ANKS1A: variants seen among roughly 807,000 people sequenced by gnomAD.
ANKS1A encodes the protein ankyrin repeat and sterile alpha motif domain containing 1A.
In ANKS1A, 55 loss-of-function variants were observed where a neutral mutation model predicts 120.3. The observed-to-expected ratio is 0.46, with a 90% CI of 0.37 to 0.57. ANKS1A has a LOEUF of 0.57. Ranked by LOEUF, ANKS1A falls within the 20% of genes least tolerant of loss-of-function variation. The pLI, the probability that ANKS1A is intolerant of heterozygous loss-of-function variation, is 0.00. For missense variants in ANKS1A, 1,123 were observed against 1,480.3 expected, an observed-to-expected ratio of 0.76 and a Z score of 3.96; for synonymous variants, 590 against 604.7, an observed-to-expected ratio of 0.98 and a Z score of 0.36.
At chr6:34,984,013 C>T (rs1009109380) in intron 7 of ANKS1A, among the ~76,000 whole-genome samples, 1 of 152,094 alleles carries the variant, frequency 6.6e-6, no homozygotes, top group African/African-American at 2.4e-5. Context: ...CCAGGCTGGC[C>T]TCGAACTCCT....
intron 1 of ANKS1A, among the ~76,000 whole-genome samples, chr6:34,962,017 A>C (rs748774348): frequency 6.6e-6 from 1 of 152,180 alleles, no homozygotes; most frequent in African/African-American, 2.4e-5. Context: ...CTGTGCTATA[A>C]TGATGATATT....
intron 11 of ANKS1A, among the ~76,000 whole-genome samples, chr6:35,032,786 A>G (rs1167200334): frequency 6.6e-6 from 1 of 152,174 alleles, no homozygotes; most frequent in Non-Finnish European, 1.5e-5. Context: ...TTATGCCACA[A>G]CTGAGAGATT....
Position 35,090,954 on chromosome 6 carries a change from C to T in ANKS1A, c.*2345C>T, listed in dbSNP as rs1334068523. The T allele has an allele frequency of 1.1e-5, 11 of 985,662 alleles. No individual in the cohort carries two copies. In the African/African-American group the frequency reaches 1.7e-4, roughly 16 times the overall value. The allele number at this position is 985,662 out of a possible 1,614,324, so 61.1% of individuals were successfully genotyped here. A position where few individuals can be genotyped will look rare whatever the true frequency, so the allele number is the denominator to read the frequency against. ...TCTGCGTCCCTCCTGGGCCCTCCAG[C>T]GTCAGACACTAATGGGAGTTCCCGA... On this transcript the variant is annotated 3_prime_UTR_variant, in exon 24 of 24. Coordinates refer to ENST00000360359, the MANE Select transcript of ANKS1A (RefSeq NM_015245.3).
intron 10 of ANKS1A, among the ~76,000 whole-genome samples, chr6:35,012,445 C>T (rs1427566535): frequency 1.3e-5 from 2 of 152,184 alleles, no homozygotes; most frequent in Non-Finnish European, 2.9e-5. Context: ...TTTTGATGCT[C>T]ACTATAGTGA....
In ANKS1A at chr6:35,090,970, G is replaced by C; in HGVS notation, c.*2361G>C. On this transcript the variant is annotated 3_prime_UTR_variant, in exon 24 of 24. Transcript: ENST00000360359. ...GCCCTCCAGCGTCAGACACTAATGG[G>C]AGTTCCCGAGATGCTCGGGTTTGAG... is the stretch of plus-strand genomic sequence containing the variant. The C allele has an allele frequency of 1.0e-6, 1 of 985,866 alleles. No homozygotes were observed. Among genetic ancestry groups the C allele is most frequent in the Non-Finnish European group, 1.2e-6 (1 of 829,988 alleles). 61.1% of individuals were successfully genotyped at this position (985,866 alleles called of 1,614,324 possible).
chr6:35,092,066 G>A (rs1778326629), downstream of ANKS1A, among the ~76,000 whole-genome samples: 1 of 152,230 alleles, frequency 6.6e-6, no homozygotes, highest in Non-Finnish European at 1.5e-5. Context: ...AGCTCTGCTA[G>A]CTTTCCAGGC....
At chr6:35,048,660 T>G (rs114825291) in intron 11 of ANKS1A, among the ~76,000 whole-genome samples, 4,713 of 152,302 alleles carry the variant, frequency 0.031, 113 homozygotes, top group African/African-American at 0.077. Context: ...AAGCCCACTC[T>G]AGGCTGAGAG....
In ANKS1A at chr6:35,086,801, G is replaced by GC; in HGVS notation, c.3304-146dup. ...CCAGGAGGGTGTCCCTCCTCCGCCT[G>GC]CCCCCAGGGGCCTGCTCTTTGGCCG... On this transcript the variant is annotated intron_variant, in intron 22 of 23. Transcript: ENST00000360359. The surrounding 1 kb of genome is among the most constrained non-coding windows in gnomAD (Gnocchi z 5.1). 1 of 749,574 alleles carries GC rather than the reference G, an allele frequency of 1.3e-6. No homozygotes were observed. Among genetic ancestry groups the GC allele is most frequent in the Non-Finnish European group, 2.2e-6 (1 of 445,246 alleles). The allele number at this position is 749,574 out of a possible 1,614,324, so 46.4% of individuals were successfully genotyped here. A position where few individuals can be genotyped will look rare whatever the true frequency, so the allele number is the denominator to read the frequency against.
chr6:34,916,804 T>G (rs1202859528), intron 1 of ANKS1A, among the ~76,000 whole-genome samples: 1 of 152,210 alleles, frequency 6.6e-6, no homozygotes, highest in Admixed American at 6.5e-5. Flanking sequence ...CATTGTTGGA[T>G]TACAGAGTTT....
At chr6:35,088,189 C>T (rs1169430157) in intron 23 of ANKS1A, among the ~76,000 whole-genome samples, 2 of 152,230 alleles carry the variant, frequency 1.3e-5, no homozygotes, top group Non-Finnish European at 2.9e-5. Context: ...GCCGTCCCAT[C>T]GCAGCAGCTC....
chr6:34,936,887 C>T (rs1202275150), intron 1 of ANKS1A, among the ~76,000 whole-genome samples: 1 of 152,164 alleles, frequency 6.6e-6, no homozygotes, highest in Non-Finnish European at 1.5e-5. Flanking sequence ...TATGTAGCTT[C>T]ATCTATTCAG....
chr6:34,990,136 T>G (rs1316188638), intron 9 of ANKS1A, among the ~76,000 whole-genome samples: 1 of 152,234 alleles, frequency 6.6e-6, no homozygotes, highest in Non-Finnish European at 1.5e-5. Context: ...TTCGAGTTAT[T>G]GATTTTTTAC....
At chr6:35,043,429 T>G (rs1301241419) in intron 11 of ANKS1A, among the ~76,000 whole-genome samples, 1 of 152,264 alleles carries the variant, frequency 6.6e-6, no homozygotes, top group Admixed American at 6.5e-5. Flanking sequence ...TTTACCAGCC[T>G]GCAGGGGAGA....
At chr6:35,056,447 C>G (rs1434425967) in intron 12 of ANKS1A, among the ~76,000 whole-genome samples, 1 of 152,120 alleles carries the variant, frequency 6.6e-6, no homozygotes, top group Non-Finnish European at 1.5e-5. Context: ...CGCCACCACG[C>G]CCGGCTAATT....
Position 35,086,828 on chromosome 6 carries a change from G to A in ANKS1A, c.3304-124G>A. 1 of 981,414 alleles carries A rather than the reference G, an allele frequency of 1.0e-6. No individual in the cohort carries two copies. The highest frequency in any genetic ancestry group is 1.6e-6 in the Non-Finnish European group (1 of 625,858). The allele number at this position is 981,414 out of a possible 1,614,324, so 60.8% of individuals were successfully genotyped here. ...CCCCAGGGGCCTGCTCTTTGGCCGA[G>A]GAGAATAAGGGCTGCCCCTCCCAGC... is the stretch of plus-strand genomic sequence containing the variant. On this transcript the variant is annotated intron_variant, in intron 22 of 23. Coordinates refer to ENST00000360359, the MANE Select transcript of ANKS1A (RefSeq NM_015245.3). The surrounding 1 kb of genome is among the most constrained non-coding windows in gnomAD (Gnocchi z 5.1).
intron 1 of ANKS1A, among the ~76,000 whole-genome samples, chr6:34,951,599 T>A (rs528197057): frequency 6.6e-6 from 1 of 152,358 alleles, no homozygotes; most frequent in South Asian, 2.1e-4. Context: ...GGACCTAGAC[T>A]CTGATAATAA....
chr6:34,889,324 C>T lies in ANKS1A; in HGVS notation c.-79C>T. On this transcript the variant is annotated 5_prime_UTR_variant, in exon 1 of 24. Coordinates refer to ENST00000360359, the MANE Select transcript of ANKS1A (RefSeq NM_015245.3). This position sits in a 1 kb window ranked among gnomAD's most constrained non-coding sequence, Gnocchi z 5.5. Reference sequence around the variant, plus strand: ...CAGCCGGTTTGGGGGGTGCGTTGCCCGGAGACGGAAAGTTTGGGAGCCCGA... The same window carrying T: ...CAGCCGGTTTGGGGGGTGCGTTGCCTGGAGACGGAAAGTTTGGGAGCCCGA... 1 of 1,227,182 alleles carries T rather than the reference C, an allele frequency of 8.1e-7. No individual in the cohort carries two copies. Among genetic ancestry groups the T allele is most frequent in the Non-Finnish European group, 1.0e-6 (1 of 985,380 alleles). 76.0% of individuals were successfully genotyped at this position (1,227,182 alleles called of 1,614,324 possible). A position where few individuals can be genotyped will look rare whatever the true frequency, so the allele number is the denominator to read the frequency against.
intron 10 of ANKS1A, among the ~76,000 whole-genome samples, chr6:35,005,085 C>G (rs1002817969): frequency 3.3e-5 from 5 of 152,166 alleles, no homozygotes; most frequent in Admixed American, 6.5e-5. Flanking sequence ...TGTGGACATT[C>G]TGTACATGTG....
chr6:34,982,650 G>A lies in ANKS1A; in HGVS notation c.733-102G>A. 8.4e-7 allele frequency: 1 copy of A among 1,192,606 alleles called. No individual in the cohort carries two copies. Among genetic ancestry groups the A allele is most frequent in the Non-Finnish European group, 1.2e-6 (1 of 805,000 alleles). 73.9% of individuals were successfully genotyped at this position (1,192,606 alleles called of 1,614,324 possible). A position where few individuals can be genotyped will look rare whatever the true frequency, so the allele number is the denominator to read the frequency against. On this transcript the variant is annotated intron_variant, in intron 4 of 23. Transcript: ENST00000360359. The surrounding 1 kb of genome is among the most constrained non-coding windows in gnomAD (Gnocchi z 4.9). ...AATGACAGAGGGCTTTGTGTAGTTT[G>A]TTTTATTTTGTGTCCCTTCTTGTCT...
Sources: gnomAD v4.1 joint callset for allele counts (sites outside exome capture counted in the v4.1 genomes callset) on GRCh38, gnomAD v4.1.1 for gene constraint, Gnocchi (gnomAD v3.1) non-coding constraint, MANE v1.5 for transcripts, NCBI Gene and HGNC (gene_info 2026-07-23, HGNC 2026-07-21) for gene names.